Variants in MAST3 observed in about 807,000 individuals in gnomAD.
The protein encoded by MAST3 is microtubule-associated serine/threonine-protein kinase 3.
In MAST3, 43 loss-of-function variants were observed where a neutral mutation model predicts 127.0. The ratio of observed to expected loss-of-function variants is 0.34; its 90% CI spans 0.27 to 0.44. The LOEUF is 0.44. MAST3 is among the 20% of genes least tolerant of loss of function. The pLI is 1.00. For synonymous variants in MAST3, 785 were observed against 809.2 expected (o/e 0.97, Z 0.51); for missense variants, 1,390 against 1,919.1 (o/e 0.72, Z 5.15).
intron 5 of MAST3, chr19:18,122,154 G>T: frequency 1.0e-6 from 1 of 983,746 alleles, no homozygotes; most frequent in Non-Finnish European, 1.2e-6. Context: ...CAGGGGGTGG[G>T]GGGTCATGGG....
chr19:18,129,019 C>T (rs1331982030), intron 13 of MAST3, 68 bp downstream of exon 13: 2 of 1,357,864 alleles, frequency 1.5e-6, no homozygotes, highest in African/African-American at 1.4e-5. Flanking sequence ...GCCCAGGCAG[C>T]TCCTGCATCC....
At chr19:18,106,118 T>G (rs1038783880) in intron 1 of MAST3, among the ~76,000 whole-genome samples, 4 of 152,184 alleles carry the variant, frequency 2.6e-5, no homozygotes, top group Admixed American at 6.6e-5. Context: ...CTTAGAGTCT[T>G]GCTCTGTCAC....
At chr19:18,109,642 G>A (rs1051864179) in intron 2 of MAST3, among the ~76,000 whole-genome samples, 5 of 152,186 alleles carry the variant, frequency 3.3e-5, no homozygotes, top group African/African-American at 4.8e-5. Context: ...TGGTGCTGGT[G>A]GGGGTGCAGG....
At chr19:18,116,420 G>A (rs1227769442) in intron 3 of MAST3, among the ~76,000 whole-genome samples, 1 of 151,066 alleles carries the variant, frequency 6.6e-6, no homozygotes, top group East Asian at 2.0e-4. Context: ...AGCCTCCCAA[G>A]TAGTTGGGAT....
At chr19:18,102,371 G>A (rs2037711067) in intron 1 of MAST3, among the ~76,000 whole-genome samples, 1 of 151,634 alleles carries the variant, frequency 6.6e-6, no homozygotes, top group Admixed American at 6.6e-5. Flanking sequence ...TAGAGACGGG[G>A]TTTCTCCATG....
chr19:18,130,550 T>C lies in MAST3; in HGVS notation c.1280T>C (p.Ile427Thr), dbSNP rs771262433. 1.2e-6 allele frequency: 2 copies of C among 1,612,396 alleles called. No individual in the cohort carries two copies. The highest frequency in any genetic ancestry group is 1.7e-6 in the Non-Finnish European group (2 of 1,179,172). Reference sequence around the variant, plus strand: ...CGGCAGCGCTTTGCCATCAAGAAGATCAACAAACAGAACTTGATCCTGCGT... The same window carrying C: ...CGGCAGCGCTTTGCCATCAAGAAGACCAACAAACAGAACTTGATCCTGCGT... The part of the protein sequence containing the change: ...DTRQRFAIKK[I>T]NKQNLILRNQ... Residue 427 changes from isoleucine (I) to threonine (T), a missense_variant, in exon 14 of 28, where the codon ATC (isoleucine) becomes ACC (threonine). Around this residue, in one of 5 missense-constraint regions of MAST3, gnomAD observed 191 missense variants for 409.0 expected, o/e 0.47. Coordinates refer to ENST00000687212, the MANE Select transcript of MAST3 (RefSeq NM_001393504.1).
chr19:18,135,958 G>T, intron 18 of MAST3, 117 bp downstream of exon 18: 1 of 720,700 alleles, frequency 1.4e-6, no homozygotes, highest in Non-Finnish European at 2.3e-6. Context: ...GCATGGAGGA[G>T]GGGGTTTGCA....
At position 18,149,360 on chromosome 19, in the gene MAST3, G is replaced by A. The variant is rs1293394107; in HGVS notation, c.3678G>A (p.Pro1226=). The A allele has an allele frequency of 1.2e-5, 17 of 1,439,152 alleles. No homozygotes were observed. The highest frequency in any genetic ancestry group is 2.8e-5 in the East Asian group (1 of 35,252). The allele number at this position is 1,439,152 out of a possible 1,614,324, so 89.1% of individuals were successfully genotyped here. A position where few individuals can be genotyped will look rare whatever the true frequency, so the allele number is the denominator to read the frequency against. Residue 1226 remains proline (P), a synonymous_variant, in exon 28 of 28, where the codon CCG becomes CCA. Coordinates refer to ENST00000687212, the MANE Select transcript of MAST3 (RefSeq NM_001393504.1). This position sits in a 1 kb window ranked among gnomAD's most constrained non-coding sequence, Gnocchi z 5.9. ...RKSTSSIPPS[P]LACPPISAPP... ...CCACCAGCAGCATCCCGCCCTCCCC[G>A]CTGGCCTGCCCGCCCATCTCCGCGC...
intron 15 of MAST3, 120 bp from the exon 16 acceptor site, chr19:18,134,459 A>C: frequency 3.1e-4 from 382 of 1,234,860 alleles, no homozygotes; most frequent in Middle Eastern, 5.7e-4. Flanking sequence ...GAGGATCGCT[A>C]GGGCCCAGGA....
At chr19:18,124,810 A>G in intron 11 of MAST3, 36 bp downstream of exon 11, 1 of 1,558,716 alleles carries the variant, frequency 6.4e-7, no homozygotes, top group Non-Finnish European at 8.7e-7. Context: ...CAAGGCTGGG[A>G]AAGGCCGGAT....
chr19:18,105,483 G>C (rs1474417551), intron 1 of MAST3, among the ~76,000 whole-genome samples: 1 of 150,718 alleles, frequency 6.6e-6, no homozygotes, highest in Admixed American at 6.7e-5. Context: ...TGGATCATCT[G>C]AGGTCAGGAG....
chr19:18,121,709 C>T lies in MAST3; in HGVS notation c.186C>T (p.Ser62=), dbSNP rs1319710803. The stretch of plus-strand genomic sequence containing the variant: ...GCTGCCGCAGCGGGAACCGCAAGAG[C>T]TTGGTGGTAGGAACGCCCTCCCCGA... The part of the protein sequence containing the change: ...PWSCRSGNRK[S]LVVGTPSPTL... The change falls in exon 4 of 28, where the codon AGC becomes AGT. Residue 62 remains serine, a synonymous_variant. Transcript: ENST00000687212. 2 of 1,613,844 alleles carry T rather than the reference C, an allele frequency of 1.2e-6. No homozygotes were observed. The highest frequency in any genetic ancestry group is 1.7e-6 in the Non-Finnish European group (2 of 1,179,896).
chr19:18,124,724 T>C lies in MAST3; in HGVS notation c.1028T>C (p.Leu343Pro). 6.2e-7 allele frequency: 1 copy of C among 1,611,426 alleles called. No homozygotes were observed. The highest frequency in any genetic ancestry group is 8.5e-7 in the Non-Finnish European group (1 of 1,178,796). ...GAGGGCCAAGGCATTAAGACTGACCTTCCACAGTACATCATTGGGCAGCTG... is the reference window on the plus strand; with the variant it reads ...GAGGGCCAAGGCATTAAGACTGACCCTCCACAGTACATCATTGGGCAGCTG... ...AREGQGIKTD[L>P]PQYIIGQLGL... is the part of the protein sequence containing the mutation. The change falls in exon 11 of 28, where the codon CTT becomes CCT. Residue 343 changes from leucine (L) to proline (P), a missense_variant. By Grantham distance (98) the Leu-to-Pro change is moderately conservative. Coordinates refer to ENST00000687212, the MANE Select transcript of MAST3 (RefSeq NM_001393504.1).
intron 2 of MAST3, among the ~76,000 whole-genome samples, chr19:18,109,224 A>G (rs888333924): frequency 8.2e-6 from 1 of 121,802 alleles, no homozygotes; most frequent in Non-Finnish European, 1.9e-5. Context: ...AGGTGGCAGG[A>G]CAGAAGGAGG....
chr19:18,138,544 C>T (rs2042120501), intron 19 of MAST3, among the ~76,000 whole-genome samples: 1 of 152,132 alleles, frequency 6.6e-6, no homozygotes, highest in African/African-American at 2.4e-5. Flanking sequence ...GTCACCCAGG[C>T]TGGAGTGCAG....
Position 18,105,739 on chromosome 19 carries a change from A to ACAC in MAST3, c.40-1848_40-1847insCAC, listed in dbSNP as rs370854468. 8.4e-3 allele frequency among the ~76,000 whole-genome samples: 1,284 copies of ACAC among 152,134 alleles called. 21 individuals carry two copies. Among genetic ancestry groups the ACAC allele is most frequent in the African/African-American group, 0.028 (1,163 of 41,508 alleles). On this transcript the variant is annotated intron_variant, in intron 1 of 27. Transcript: ENST00000687212. Reference sequence around the variant, plus strand: ...AGCCCATGTCTGAGGATGGACTGTGAGGTCACAGTGGAACACAAGCTCACG... The same window carrying ACAC: ...AGCCCATGTCTGAGGATGGACTGTGACACGGTCACAGTGGAACACAAGCTCACG...
At chr19:18,100,750 T>C (rs1332070488) in intron 1 of MAST3, among the ~76,000 whole-genome samples, 1 of 152,182 alleles carries the variant, frequency 6.6e-6, no homozygotes, top group Non-Finnish European at 1.5e-5. Flanking sequence ...AGCCCCAGTT[T>C]GGGGTCTCTT....
intron 1 of MAST3, among the ~76,000 whole-genome samples, chr19:18,100,120 C>T (rs1189117218): frequency 1.0e-5 from 1 of 99,816 alleles, no homozygotes; most frequent in Non-Finnish European, 2.3e-5. Context: ...GGATCTCTCT[C>T]TCTCTCTCTT....
At chr19:18,137,396 G>A (rs778763820) in intron 19 of MAST3, 35 bp downstream of exon 19, 8 of 1,600,292 alleles carry the variant, frequency 5.0e-6, no homozygotes, top group Non-Finnish European at 6.8e-6. Flanking sequence ...GGGGCGGGGG[G>A]TGCTCTGCCA....
Sources: allele counts gnomAD v4.1 joint callset (sites outside exome capture counted in the v4.1 genomes callset), GRCh38; gene constraint gnomAD v4.1.1; regional missense constraint gnomAD v4.1.1; non-coding constraint Gnocchi (gnomAD v3.1); transcripts MANE v1.5; gene names NCBI Gene and HGNC (gene_info 2026-07-23, HGNC 2026-07-21).